NMU: variants seen among roughly 807,000 people sequenced by gnomAD.
NMU encodes neuromedin-U.
Under a neutral mutation model 35.4 loss-of-function variants are expected in NMU, and 29 were observed. That is an observed-to-expected ratio of 0.82 (90% CI 0.61 to 1.12). NMU has a LOEUF of 1.12. Among genes scored for constraint, NMU ranks in the 50% most tolerant of loss-of-function variants. The probability of loss-of-function intolerance (pLI) is 0.00; values close to 1 mark genes in which losing one functional copy is unlikely to be tolerated. For synonymous variants in NMU, 78 were observed against 81.3 expected (o/e 0.96, Z 0.22); for missense variants, 199 against 206.2 (o/e 0.97, Z 0.21).
intron 7 of NMU, among the ~76,000 whole-genome samples, chr4:55,604,679 A>ATGTTTTTT (rs1553909885): frequency 2.1e-5 from 1 of 47,610 alleles, no homozygotes; most frequent in Non-Finnish European, 3.2e-5. Flanking sequence ...TGCCTGGCTA[A>ATGTTTTTT]TTTTTTTTTT....
intron 2 of NMU, among the ~76,000 whole-genome samples, chr4:55,624,107 G>C (rs1462585278): frequency 2.0e-5 from 3 of 149,870 alleles, no homozygotes; most frequent in African/African-American, 7.4e-5. Context: ...ACATAGGCAT[G>C]GGCAAGAACT....
chr4:55,605,181 G>A (rs757028944), intron 7 of NMU, 94 bp downstream of exon 7: 7 of 856,274 alleles, frequency 8.2e-6, no homozygotes, highest in Non-Finnish European at 1.4e-5. Context: ...TTATCCTGAA[G>A]AGCAGCATTT....
intron 2 of NMU, among the ~76,000 whole-genome samples, chr4:55,628,454 C>T (rs772762198): frequency 1.3e-4 from 19 of 150,414 alleles, no homozygotes; most frequent in Middle Eastern, 3.4e-3. Context: ...ACTGTTGCTC[C>T]GCTCTCCTTT....
intron 9 of NMU, among the ~76,000 whole-genome samples, chr4:55,597,435 C>T (rs1185036148): frequency 6.6e-6 from 1 of 151,702 alleles, no homozygotes; most frequent in Non-Finnish European, 1.5e-5. Flanking sequence ...ATGGTGCAGT[C>T]TTGGCTCACT....
chr4:55,619,028 C>A (rs929738232), intron 2 of NMU, among the ~76,000 whole-genome samples: 2 of 151,892 alleles, frequency 1.3e-5, no homozygotes, highest in African/African-American at 4.8e-5. Flanking sequence ...CACCACCATG[C>A]CTGGCTTATT....
At chr4:55,609,598 T>C (rs888957972) in intron 3 of NMU, among the ~76,000 whole-genome samples, 3 of 152,240 alleles carry the variant, frequency 2.0e-5, no homozygotes, top group Non-Finnish European at 4.4e-5. Flanking sequence ...TTACTCATTA[T>C]TGGCTAATTT....
At chr4:55,619,224 G>A (rs531075595) in intron 2 of NMU, among the ~76,000 whole-genome samples, 350 of 151,012 alleles carry the variant, frequency 2.3e-3, no homozygotes, top group Middle Eastern at 0.014. Context: ...CGCAGAAGAC[G>A]GGTGATTTCT....
chr4:55,625,839 G>A (rs879342112), intron 2 of NMU, among the ~76,000 whole-genome samples: 2 of 151,492 alleles, frequency 1.3e-5, no homozygotes, highest in African/African-American at 2.4e-5. Context: ...TGTCTATCTA[G>A]TGTGTTGCTT....
intron 3 of NMU, among the ~76,000 whole-genome samples, chr4:55,611,243 G>A (rs1733919822): frequency 6.6e-6 from 1 of 151,974 alleles, no homozygotes; most frequent in Admixed American, 6.6e-5. Context: ...CATGCCTGTA[G>A]TCCCAGCTAC....
At chr4:55,616,433 T>C in intron 2 of NMU, 48 bp from the exon 3 acceptor site, 1 of 1,374,304 alleles carries the variant, frequency 7.3e-7, no homozygotes, top group Non-Finnish European at 1.0e-6. Flanking sequence ...GGACAGAAAA[T>C]AACAGAAAGT....
intron 7 of NMU, among the ~76,000 whole-genome samples, 185 bp downstream of exon 7, chr4:55,605,090 C>T (rs1297972306): frequency 6.6e-6 from 1 of 152,070 alleles, no homozygotes; most frequent in East Asian, 1.9e-4. Context: ...TGCAGGGGGC[C>T]ATGGAAGGGC....
intron 2 of NMU, among the ~76,000 whole-genome samples, chr4:55,624,103 G>A (rs1734421969): frequency 6.7e-6 from 1 of 149,730 alleles, no homozygotes; most frequent in African/African-American, 2.5e-5. Context: ...CAGGACATAG[G>A]CATGGGCAAG....
At chr4:55,616,430 AAAT>A in intron 2 of NMU, 45 bp from the exon 3 acceptor site, 2 of 1,405,192 alleles carry the variant, frequency 1.4e-6, no homozygotes, top group East Asian at 4.6e-5. Context: ...AATGGACAGA[AAAT>A]AACAGAAAGT....
At chr4:55,608,988 T>C (rs1452660086) in intron 4 of NMU, 132 bp downstream of exon 4, 2 of 734,976 alleles carry the variant, frequency 2.7e-6, no homozygotes, top group East Asian at 5.1e-5. Context: ...GTATTTCTTA[T>C]CCAAAAACAA....
chr4:55,613,038 C>G (rs1225982827), intron 3 of NMU, among the ~76,000 whole-genome samples: 3 of 151,970 alleles, frequency 2.0e-5, no homozygotes, highest in African/African-American at 7.3e-5. Context: ...TTACCCTAAG[C>G]GAAATAACAT....
In NMU at chr4:55,600,552, T is replaced by C. The variant is rs1733383426; in HGVS notation, c.459A>G (p.Ala153=). 1 of 1,610,922 alleles carries C rather than the reference T, an allele frequency of 6.2e-7. No homozygotes were observed. Among genetic ancestry groups the C allele is most frequent in the African/African-American group, 1.3e-5 (1 of 74,916 alleles). ...RVDEEFQSPF[A]SQSRGYFLFR... ...ATAAAAAATATCCTCGACTTTGACTTGCAAAGGGACTTTGGAATTCTTCCT... is the reference window on the plus strand; with the variant it reads ...ATAAAAAATATCCTCGACTTTGACTCGCAAAGGGACTTTGGAATTCTTCCT... Residue 153 remains alanine (A), a synonymous_variant, in exon 8 of 10, where the codon GCA becomes GCG. Coordinates refer to ENST00000264218, the MANE Select transcript of NMU (RefSeq NM_006681.4).
intron 7 of NMU, among the ~76,000 whole-genome samples, chr4:55,603,592 T>C (rs1242086695): frequency 6.6e-6 from 1 of 151,796 alleles, no homozygotes; most frequent in Non-Finnish European, 1.5e-5. Context: ...TTATAATGTA[T>C]TACAGCAAGG....
chr4:55,633,454 G>A (rs1715728396), intron 1 of NMU, among the ~76,000 whole-genome samples: 1 of 151,712 alleles, frequency 6.6e-6, no homozygotes, highest in Non-Finnish European at 1.5e-5. Context: ...TTCTGGATAT[G>A]GACTTCATAC....
intron 3 of NMU, among the ~76,000 whole-genome samples, chr4:55,610,049 T>C (rs899248812): frequency 3.9e-5 from 6 of 152,216 alleles, no homozygotes; most frequent in African/African-American, 1.4e-4. Context: ...CCTCTCTTAA[T>C]TTCCGTTTCT....
Sources: allele counts gnomAD v4.1 joint callset (sites outside exome capture counted in the v4.1 genomes callset), GRCh38; gene constraint gnomAD v4.1.1; transcripts MANE v1.5; gene names NCBI Gene and HGNC (gene_info 2026-07-23, HGNC 2026-07-21).